PGPEP1L: variants seen among roughly 807,000 people sequenced by gnomAD.
The protein encoded by PGPEP1L is pyroglutamyl-peptidase 1-like protein.
In PGPEP1L, 7 loss-of-function variants were observed where a neutral mutation model predicts 6.0. That is an observed-to-expected ratio of 1.17 (90% CI 0.66 to 2.19). The LOEUF is 2.19. PGPEP1L is among the 30% of genes most tolerant of loss of function. The probability of loss-of-function intolerance (pLI) is 0.00; values close to 1 mark genes in which losing one functional copy is unlikely to be tolerated. For synonymous variants in PGPEP1L, 103 were observed against 83.9 expected, an observed-to-expected ratio of 1.23 and a Z score of -1.24; for missense variants, 209 against 192.5, an observed-to-expected ratio of 1.09 and a Z score of -0.51.
At chr15:98,983,038 A>G (rs941034102) in intron 2 of PGPEP1L, among the ~76,000 whole-genome samples, 7 of 151,998 alleles carry the variant, frequency 4.6e-5, no homozygotes, top group Non-Finnish European at 8.8e-5. Flanking sequence ...AGTCAAGAAA[A>G]CAAAACAAAC....
chr15:98,999,509 G>A lies in PGPEP1L; in HGVS notation c.-142+5920C>T, dbSNP rs140921999. The stretch of plus-strand genomic sequence containing the variant: ...GAATATAAAATGGTACTGTTGCTCC[G>A]GGAAATAGTTTGACAATTTTTTTTT... On this transcript the variant is annotated intron_variant, in intron 2 of 4. Transcript: ENST00000535714. 1.8e-4 allele frequency among the ~76,000 whole-genome samples: 28 copies of A among 152,292 alleles called. No homozygotes were observed. The East Asian group carries it at 3.9e-3, about 21-fold the overall frequency.
intron 2 of PGPEP1L, among the ~76,000 whole-genome samples, chr15:98,991,689 G>A (rs781787550): frequency 6.6e-6 from 1 of 152,144 alleles, no homozygotes; most frequent in Non-Finnish European, 1.5e-5. Flanking sequence ...GATGAACATT[G>A]ATGCAAAAAT....
rs1032302302 is a variant in PGPEP1L, at chr15:98,969,462, C to T, written c.172G>A (p.Glu58Lys). Residue 58 changes from glutamate (E) to lysine (K), a missense_variant, in exon 4 of 5, where the codon GAG (glutamate) becomes AAG (lysine). Transcript: ENST00000535714. The part of the protein sequence containing the change: ...MKAVCKRVAV[E>K]GVDVIFSRDA... ...CGGGAAAAGATCACGTCGACACCCT[C>T]CACAGCTACGCGCTTGCAGACTGCC... is the stretch of plus-strand genomic sequence containing the variant. The T allele has an allele frequency of 6.2e-7, 1 of 1,613,936 alleles. No individual in the cohort carries two copies. Among genetic ancestry groups the T allele is most frequent in the African/African-American group, 1.3e-5 (1 of 74,948 alleles).
intron 2 of PGPEP1L, among the ~76,000 whole-genome samples, chr15:98,975,803 C>A (rs2017560628): frequency 6.6e-6 from 1 of 152,158 alleles, no homozygotes; most frequent in Admixed American, 6.5e-5. Flanking sequence ...ATCGCTTTAA[C>A]CCAGGAGGCG....
At chr15:98,996,688 T>TGTGTGC (rs2017893819) in intron 2 of PGPEP1L, among the ~76,000 whole-genome samples, 1 of 152,122 alleles carries the variant, frequency 6.6e-6, no homozygotes, top group Admixed American at 6.5e-5. Flanking sequence ...TGTGTATCCA[T>TGTGTGC]GTGTGCACGC....
chr15:98,986,035 G>A (rs894674844), intron 2 of PGPEP1L, among the ~76,000 whole-genome samples: 1 of 152,330 alleles, frequency 6.6e-6, no homozygotes, highest in South Asian at 2.1e-4. Flanking sequence ...GCAGCATGCA[G>A]CTCTTCTTAG....
At chr15:98,969,781 G>A (rs913434101) in intron 3 of PGPEP1L, 130 bp from the exon 4 acceptor site, 19 of 876,766 alleles carry the variant, frequency 2.2e-5, no homozygotes, top group Non-Finnish European at 3.2e-5. Context: ...CAAATCCACT[G>A]GGAAACCCCA....
At chr15:98,991,527 G>T (rs2017819791) in intron 2 of PGPEP1L, among the ~76,000 whole-genome samples, 1 of 152,130 alleles carries the variant, frequency 6.6e-6, no homozygotes, top group African/African-American at 2.4e-5. Flanking sequence ...TCTACTAGAG[G>T]TACAAAGAGG....
chr15:98,992,007 C>T (rs1261682667), intron 2 of PGPEP1L, among the ~76,000 whole-genome samples: 4 of 152,110 alleles, frequency 2.6e-5, no homozygotes. Context: ...ACTGAATAGG[C>T]AAAAACTGGA....
intron 2 of PGPEP1L, among the ~76,000 whole-genome samples, chr15:99,002,915 T>C (rs2017994280): frequency 6.6e-6 from 1 of 152,226 alleles, no homozygotes; most frequent in Non-Finnish European, 1.5e-5. Flanking sequence ...TGTCAGTCTC[T>C]GAGAACCCAG....
rs182760760 is a variant in PGPEP1L, at chr15:98,990,821, G to A, written c.-142+14608C>T. Among the ~76,000 whole-genome samples the A allele has an allele frequency of 3.4e-3, 512 of 152,160 alleles. 1 individual carries two copies. The highest frequency in any genetic ancestry group is 0.011 in the African/African-American group (464 of 41,502). ...AGGATTAAGAAACTCACTCAAAACC[G>A]CACAACTACATGGAAACTGAACAAC... On this transcript the variant is annotated intron_variant, in intron 2 of 4. Coordinates refer to ENST00000535714, the MANE Select transcript of PGPEP1L (RefSeq NM_001167902.2).
chr15:98,993,289 G>T (rs2017842651), intron 2 of PGPEP1L, among the ~76,000 whole-genome samples: 1 of 152,118 alleles, frequency 6.6e-6, no homozygotes, highest in African/African-American at 2.4e-5. Context: ...GTGGGTGAAG[G>T]ATATGAACAG....
chr15:99,006,381 G>C (rs190477174), intron 1 of PGPEP1L, among the ~76,000 whole-genome samples: 8 of 152,320 alleles, frequency 5.3e-5, no homozygotes, highest in Non-Finnish European at 1.2e-4. Flanking sequence ...CACTGACAGT[G>C]AGCCACAGCC....
At chr15:98,973,163 G>A (rs759505819) in intron 2 of PGPEP1L, among the ~76,000 whole-genome samples, 1 of 152,124 alleles carries the variant, frequency 6.6e-6, no homozygotes, top group Non-Finnish European at 1.5e-5. Flanking sequence ...AGAGGATATA[G>A]CTATTATAAA....
chr15:99,000,748 CCAAT>C (rs1555472912), intron 2 of PGPEP1L, among the ~76,000 whole-genome samples: 1 of 152,038 alleles, frequency 6.6e-6, no homozygotes, highest in Non-Finnish European at 1.5e-5. Context: ...TCAAAATGGA[CCAAT>C]CAGTTCTCTG....
chr15:99,002,785 C>T (rs1398092791), intron 2 of PGPEP1L, among the ~76,000 whole-genome samples: 3 of 152,070 alleles, frequency 2.0e-5, no homozygotes, highest in African/African-American at 4.8e-5. Flanking sequence ...AGCTTTATCC[C>T]GGAGTACAGC....
At chr15:98,979,637 T>C (rs1031990564) in intron 2 of PGPEP1L, among the ~76,000 whole-genome samples, 2 of 4,070 alleles carry the variant, frequency 4.9e-4, no homozygotes, top group Admixed American at 4.0e-3. Flanking sequence ...ACTATTCTTT[T>C]TTTTTTTTTT....
chr15:98,976,826 T>G (rs2017576887), intron 2 of PGPEP1L, among the ~76,000 whole-genome samples: 1 of 152,154 alleles, frequency 6.6e-6, no homozygotes, highest in African/African-American at 2.4e-5. Context: ...TAATACATTT[T>G]TACAGATTAT....
At chr15:99,002,935 C>T (rs1490084791) in intron 2 of PGPEP1L, among the ~76,000 whole-genome samples, 1 of 152,204 alleles carries the variant, frequency 6.6e-6, no homozygotes, top group Non-Finnish European at 1.5e-5. Context: ...GCTCCCTGGA[C>T]CTCAGGCCTT....
Sources: allele counts gnomAD v4.1 joint callset (sites outside exome capture counted in the v4.1 genomes callset), GRCh38; gene constraint gnomAD v4.1.1; transcripts MANE v1.5; gene names NCBI Gene and HGNC (gene_info 2026-07-23, HGNC 2026-07-21).